FMN1: variants seen among roughly 807,000 people sequenced by gnomAD.
The protein encoded by FMN1 is formin 1.
FMN1 carries 110 observed loss-of-function variants against 132.4 expected under a neutral mutation model. The observed-to-expected ratio is 0.83, with a 90% CI of 0.71 to 0.97. The LOEUF is 0.97. Ranked by LOEUF, FMN1 falls within the 50% of genes least tolerant of loss-of-function variation. The probability of loss-of-function intolerance (pLI) is 0.00; values close to 1 mark genes in which losing one functional copy is unlikely to be tolerated. For missense variants in FMN1, 1,792 were observed against 1,705.3 expected, an observed-to-expected ratio of 1.05 and a Z score of -0.90; for synonymous variants, 722 against 651.7, an observed-to-expected ratio of 1.11 and a Z score of -1.64.
intron 13 of FMN1, among the ~76,000 whole-genome samples, chr15:32,901,678 T>A (rs1046483734): frequency 1.3e-5 from 2 of 152,190 alleles, no homozygotes; most frequent in African/African-American, 4.8e-5. Context: ...AGAAGGAATC[T>A]GTAAAAGTGT....
intron 7 of FMN1, among the ~76,000 whole-genome samples, chr15:32,972,008 T>C (rs1337639528): frequency 6.6e-6 from 1 of 152,188 alleles, no homozygotes; most frequent in African/African-American, 2.4e-5. Context: ...ATCGGGCAGT[T>C]AAGTTCACCT....
intron 6 of FMN1, among the ~76,000 whole-genome samples, chr15:33,014,320 G>A (rs1213573053): frequency 3.3e-5 from 5 of 152,338 alleles, no homozygotes; most frequent in Admixed American, 6.5e-5. Context: ...CTGAGTGTGA[G>A]GATGGGGAGG....
chr15:32,767,216 C>T lies in FMN1; in HGVS notation c.*7094G>A, dbSNP rs2056077964. ...TTCAAATTTTTCTCCTCCATGCGTC[C>T]TTTTTTTCTTGCTCATCCCATTGCT... On this transcript the variant is annotated 3_prime_UTR_variant, in exon 21 of 21. Transcript: ENST00000616417. The T allele has an allele frequency of 6.6e-6, 1 of 152,162 alleles. No individual in the cohort carries two copies. 9.4% of individuals were successfully genotyped at this position (152,162 alleles called of 1,614,324 possible).
At chr15:32,898,377 C>T (rs1438203899) in intron 15 of FMN1, among the ~76,000 whole-genome samples, 2 of 152,172 alleles carry the variant, frequency 1.3e-5, no homozygotes, top group Non-Finnish European at 2.9e-5. Context: ...ATTGCAAATG[C>T]CCTCTAAGCA....
At chr15:32,833,234 A>G (rs2058545312) in intron 17 of FMN1, among the ~76,000 whole-genome samples, 1 of 152,188 alleles carries the variant, frequency 6.6e-6, no homozygotes, top group South Asian at 2.1e-4. Flanking sequence ...TTCTTAGAGG[A>G]TAAGTAGAAA....
At chr15:33,129,434 G>C (rs1963439178) in intron 4 of FMN1, among the ~76,000 whole-genome samples, 1 of 152,192 alleles carries the variant, frequency 6.6e-6, no homozygotes, top group African/African-American at 2.4e-5. Flanking sequence ...GGGTATCTTT[G>C]AGAGCTTTCT....
chr15:33,085,163 G>A (rs1438424280), intron 5 of FMN1, among the ~76,000 whole-genome samples: 1 of 152,130 alleles, frequency 6.6e-6, no homozygotes, highest in African/African-American at 2.4e-5. Flanking sequence ...GGTTACATGA[G>A]TTAAGTTCTT....
At chr15:33,151,197 T>C (rs768432534) in intron 4 of FMN1, 174 of 1,521,090 alleles carry the variant, frequency 1.1e-4, no homozygotes, top group Non-Finnish European at 1.4e-4. Context: ...TAGGAGGTAA[T>C]GGCTGGAGGC....
intron 17 of FMN1, among the ~76,000 whole-genome samples, chr15:32,848,938 A>G (rs1403748652): frequency 2.0e-5 from 3 of 148,522 alleles, no homozygotes; most frequent in Non-Finnish European, 3.0e-5. Flanking sequence ...TGTTATGGTG[A>G]GGACCAGCTG....
In FMN1 at chr15:32,969,407, G is replaced by C. The variant is rs947556095; in HGVS notation, c.2294C>G (p.Thr765Ser). 1 of 1,613,886 alleles carries C rather than the reference G, an allele frequency of 6.2e-7. No individual in the cohort carries two copies. Among genetic ancestry groups the C allele is most frequent in the Non-Finnish European group, 8.5e-7 (1 of 1,179,874 alleles). The change falls in exon 8 of 21, where the codon ACC becomes AGC. Residue 765 changes from threonine to serine, a missense_variant. Thr to Ser is a moderately conservative substitution (Grantham distance 58, BLOSUM62 1). Transcript: ENST00000616417. ...TAGCTCGTGTTTCAGATTTTCAATGGTTTCTTCTAGTCTCGCTGTTATCAT... is the reference window on the plus strand; with the variant it reads ...TAGCTCGTGTTTCAGATTTTCAATGCTTTCTTCTAGTCTCGCTGTTATCAT... Reference protein sequence around the residue: ...HAMITARLEETIENLKHELEH... With the variant: ...HAMITARLEESIENLKHELEH...
At chr15:32,972,545 C>T (rs1450193600) in intron 7 of FMN1, among the ~76,000 whole-genome samples, 1 of 152,150 alleles carries the variant, frequency 6.6e-6, no homozygotes, top group Admixed American at 6.5e-5. Context: ...TAAGAGTTGA[C>T]TGTTGCACAA....
intron 4 of FMN1, among the ~76,000 whole-genome samples, chr15:33,111,433 G>A (rs1404757693): frequency 6.6e-6 from 1 of 152,034 alleles, no homozygotes; most frequent in African/African-American, 2.4e-5. Context: ...TCCTCAAAAG[G>A]TTAAATCAAG....
chr15:33,130,887 T>C (rs74008221), intron 4 of FMN1, among the ~76,000 whole-genome samples: 7,305 of 152,294 alleles, frequency 0.048, 317 homozygotes, highest in African/African-American at 0.12. Flanking sequence ...TTCTATTTCT[T>C]ACTAGCTGTG....
chr15:33,176,412 A>G (rs993825357), intron 3 of FMN1, among the ~76,000 whole-genome samples: 8 of 151,170 alleles, frequency 5.3e-5, no homozygotes, highest in African/African-American at 1.9e-4. Flanking sequence ...AGGCTGAGAC[A>G]GGAGAATTGC....
At chr15:32,948,701 T>C (rs941333932) in intron 9 of FMN1, among the ~76,000 whole-genome samples, 4 of 152,054 alleles carry the variant, frequency 2.6e-5, no homozygotes, top group Admixed American at 6.6e-5. Context: ...CATCTGTAGT[T>C]ACATTCACTT....
chr15:32,813,138 T>C (rs2057942968), intron 17 of FMN1, among the ~76,000 whole-genome samples: 1 of 152,200 alleles, frequency 6.6e-6, no homozygotes, highest in Non-Finnish European at 1.5e-5. Flanking sequence ...ATTTAAAGAA[T>C]GGGTGTAGGT....
rs532041631 is a variant in FMN1, at chr15:32,922,350, C to T, written c.3226+3824G>A. On this transcript the variant is annotated intron_variant, in intron 10 of 20. Transcript: ENST00000616417. ...TTTTTAAAAATTGAATTAAATTCAA[C>T]GAACACTTGAATATATGACTTTTAT... Among the ~76,000 whole-genome samples the T allele has an allele frequency of 9.9e-5, 15 of 152,244 alleles. No individual in the cohort carries two copies. The East Asian group carries it at 1.4e-3, about 14-fold the overall frequency.
chr15:32,856,417 G>A (rs949927574), intron 17 of FMN1, among the ~76,000 whole-genome samples: 1 of 152,188 alleles, frequency 6.6e-6, no homozygotes, highest in African/African-American at 2.4e-5. Flanking sequence ...TGCCAAAACT[G>A]TGAAGGAAGG....
intron 5 of FMN1, among the ~76,000 whole-genome samples, chr15:33,075,201 C>T (rs895453886): frequency 1.3e-5 from 2 of 152,044 alleles, no homozygotes; most frequent in African/African-American, 2.4e-5. Flanking sequence ...ACGCGGCATA[C>T]ACTATTATGT....
Sources: allele counts gnomAD v4.1 joint callset (sites outside exome capture counted in the v4.1 genomes callset), GRCh38; gene constraint gnomAD v4.1.1; transcripts MANE v1.5; gene names NCBI Gene and HGNC (gene_info 2026-07-23, HGNC 2026-07-21).